Variants in ALOX12B observed in about 807,000 individuals in gnomAD.
ALOX12B encodes arachidonate 12-lipoxygenase, 12R-type.
A neutral mutation model predicts 78.9 loss-of-function variants in ALOX12B; 47 were observed. The ratio of observed to expected loss-of-function variants is 0.60; its 90% CI spans 0.47 to 0.76. The LOEUF is 0.76. Among genes scored for constraint, ALOX12B ranks in the 30% least tolerant of loss-of-function variants. ALOX12B has a pLI of 0.00. For synonymous variants in ALOX12B, 370 were observed against 374.5 expected (o/e 0.99, Z 0.14); for missense variants, 805 against 922.6 (o/e 0.87, Z 1.65).
At chr17:8,083,241 G>T (rs1442939925) in intron 2 of ALOX12B, among the ~76,000 whole-genome samples, 1 of 151,962 alleles carries the variant, frequency 6.6e-6, no homozygotes, top group African/African-American at 2.4e-5. Flanking sequence ...CATGTGTACA[G>T]ATACATGTGT....
At chr17:8,077,889 G>C (rs1201203507) in intron 8 of ALOX12B, among the ~76,000 whole-genome samples, 1 of 152,144 alleles carries the variant, frequency 6.6e-6, no homozygotes, top group Non-Finnish European at 1.5e-5. Context: ...ACACATAGGG[G>C]CATACAAGTA....
intron 13 of ALOX12B, 42 bp from the exon 14 acceptor site, chr17:8,073,360 C>T (rs1443569624): frequency 6.2e-7 from 1 of 1,612,598 alleles, no homozygotes; most frequent in Non-Finnish European, 8.5e-7. Flanking sequence ...GGAAGAGTAC[C>T]TCAGGAGTTT....
In ALOX12B at chr17:8,081,135, C is replaced by T. The variant is rs769999992; in HGVS notation, c.405G>A (p.Glu135=). ...SLPVLLEHRK[E]EIRAKQDFYH... ...AGAAGTCCTGCTTGGCTCTGATCTC[C>T]TCTTTTCTGTGCTCCAGGAGGACGG... Residue 135 remains glutamate, a synonymous_variant, in exon 3 of 15, where the codon GAG becomes GAA. Coordinates refer to ENST00000647874, the MANE Select transcript of ALOX12B (RefSeq NM_001139.3). The T allele has an allele frequency of 1.2e-5, 20 of 1,613,796 alleles. No individual in the cohort carries two copies. The highest frequency in any genetic ancestry group is 3.3e-5 in the Admixed American group (2 of 59,988).
At chr17:8,077,759 T>C (rs1488512092) in intron 8 of ALOX12B, among the ~76,000 whole-genome samples, 1 of 152,198 alleles carries the variant, frequency 6.6e-6, no homozygotes, top group Non-Finnish European at 1.5e-5. Context: ...ATTATCTCAG[T>C]ATTTCCAGTA....
At position 8,079,743 on chromosome 17, in the gene ALOX12B, G is replaced by C; in HGVS notation, c.927+26C>G. The C allele has an allele frequency of 1.2e-6, 2 of 1,604,146 alleles. No homozygotes were observed. The highest frequency in any genetic ancestry group is 1.7e-6 in the Non-Finnish European group (2 of 1,176,510). ...CGCGAGGGAGGCCGGGAGGAGGGCCGGGGTCTCCGCCGGAGCGGGCCTCAC... is the reference window on the plus strand; with the variant it reads ...CGCGAGGGAGGCCGGGAGGAGGGCCCGGGTCTCCGCCGGAGCGGGCCTCAC... On this transcript the variant is annotated intron_variant, in intron 7 of 14. Transcript: ENST00000647874. This position sits in a 1 kb window ranked among gnomAD's most constrained non-coding sequence, Gnocchi z 6.4.
rs747677305 is a variant in ALOX12B, at chr17:8,080,342, G to A, written c.651-4C>T. ...GCGGACTTTGAAAGCCAGTGCCCTA[G>A]GAGATGGGATTCCAGGAAGAGGCCT... On this transcript the variant is annotated splice_polypyrimidine_tract_variant and splice_region_variant and intron_variant, in intron 5 of 14. Transcript: ENST00000647874. This position sits in a 1 kb window ranked among gnomAD's most constrained non-coding sequence, Gnocchi z 4.8. 1.7e-5 allele frequency: 27 copies of A among 1,614,140 alleles called. No individual in the cohort carries two copies. The Middle Eastern group carries it at 8.2e-4, about 49-fold the overall frequency.
chr17:8,076,780 G>T, intron 9 of ALOX12B, 37 bp from the exon 10 acceptor site: 1 of 1,540,900 alleles, frequency 6.5e-7, no homozygotes, highest in South Asian at 1.2e-5. Context: ...AGAGAGGGCT[G>T]AAGTGGCCCC....
intron 2 of ALOX12B, among the ~76,000 whole-genome samples, chr17:8,081,789 C>A (rs1434944037): frequency 6.6e-6 from 1 of 152,120 alleles, no homozygotes; most frequent in East Asian, 1.9e-4. Context: ...ATTACAGGTG[C>A]CTGCCACCAT....
intron 2 of ALOX12B, among the ~76,000 whole-genome samples, chr17:8,083,844 A>C (rs1978290498): frequency 1.3e-5 from 2 of 151,930 alleles, no homozygotes; most frequent in Admixed American, 1.3e-4. Flanking sequence ...TTTACAGATG[A>C]GGGAACCAAG....
Position 8,080,286 on chromosome 17 carries a change from T to G in ALOX12B, c.703A>C (p.Arg235=). ...GLLDCKHSWK[R]LKDIRKIFPG... ...AAAATTTTCCTAATGTCCTTCAGCC[T>G]CTTCCACGAATGTTTGCAGTCCAAC... Residue 235 remains arginine (R), a synonymous_variant, in exon 6 of 15, where the codon AGG becomes CGG. Coordinates refer to ENST00000647874, the MANE Select transcript of ALOX12B (RefSeq NM_001139.3). The surrounding 1 kb of genome is among the most constrained non-coding windows in gnomAD (Gnocchi z 4.8). 1 of 1,614,218 alleles carries G rather than the reference T, an allele frequency of 6.2e-7. No individual in the cohort carries two copies. The highest frequency in any genetic ancestry group is 8.5e-7 in the Non-Finnish European group (1 of 1,180,032).
At chr17:8,082,957 G>T (rs1308114927) in intron 2 of ALOX12B, among the ~76,000 whole-genome samples, 2 of 152,148 alleles carry the variant, frequency 1.3e-5, no homozygotes, top group Non-Finnish European at 2.9e-5. Context: ...CAACTGCAAA[G>T]TACAGAAAGC....
At chr17:8,077,584 C>T (rs6503076) in intron 8 of ALOX12B, among the ~76,000 whole-genome samples, 91,894 of 152,080 alleles carry the variant, frequency 0.6, 28,035 homozygotes, top group Non-Finnish European at 0.64. Context: ...TCAGCCTACG[C>T]TATTCCATTA....
At chr17:8,085,352 C>T (rs1355698001) in intron 2 of ALOX12B, among the ~76,000 whole-genome samples, 1 of 152,178 alleles carries the variant, frequency 6.6e-6, no homozygotes, top group Non-Finnish European at 1.5e-5. Context: ...GAGGCTGAGG[C>T]AGGAGAATCG....
chr17:8,079,511 C>G lies in ALOX12B; in HGVS notation c.956G>C (p.Arg319Pro). The stretch of plus-strand genomic sequence containing the variant: ...CACGGTGGGGATGCCCTCCATGATG[C>G]GGTAGTCGGCCAGGTAAATGTTCCC... The part of the protein sequence containing the change: ...EKGNIYLADY[R>P]IMEGIPTVEL... Residue 319 changes from arginine to proline, a missense_variant, in exon 8 of 15, where the codon CGC (arginine) becomes CCC (proline). Arg to Pro is a moderately radical substitution (Grantham distance 103, BLOSUM62 -2). Transcript: ENST00000647874. The surrounding 1 kb of genome is among the most constrained non-coding windows in gnomAD (Gnocchi z 6.4). 1 of 1,550,832 alleles carries G rather than the reference C, an allele frequency of 6.4e-7. No individual in the cohort carries two copies. Among genetic ancestry groups the G allele is most frequent in the Non-Finnish European group, 8.7e-7 (1 of 1,146,970 alleles).
At position 8,079,987 on chromosome 17, in the gene ALOX12B, C is replaced by A. The variant is rs1187023789; in HGVS notation, c.755-46G>T. The stretch of plus-strand genomic sequence containing the variant: ...CGTCACAAGGAGGCCCGGCCCCCCT[C>A]GGGGACGGAGAGGCATGGGACAGAA... On this transcript the variant is annotated intron_variant, in intron 6 of 14. Transcript: ENST00000647874. The surrounding 1 kb of genome is among the most constrained non-coding windows in gnomAD (Gnocchi z 6.4). The A allele has an allele frequency of 4.4e-6, 7 of 1,592,474 alleles. No individual in the cohort carries two copies. The East Asian group carries it at 1.6e-4, about 36-fold the overall frequency.
intron 8 of ALOX12B, among the ~76,000 whole-genome samples, chr17:8,078,446 G>A (rs1977134672): frequency 6.6e-6 from 1 of 151,772 alleles, no homozygotes; most frequent in African/African-American, 2.4e-5. Context: ...CACCACACCG[G>A]GCCTAGAGAG....
At position 8,077,181 on chromosome 17, in the gene ALOX12B, G is replaced by A; in HGVS notation, c.1084C>T (p.Pro362Ser). ...AGGAAGATGGGGCAATCTGGCCCAG[G>A]GGTCTGGCTGAGCTAGGTGTGGTGA... ...MPIAIQLSQT[P>S]GPDCPIFLPS... The change falls in exon 9 of 15, where the codon CCT (proline) becomes TCT (serine). Residue 362 changes from proline (P) to serine (S), a missense_variant. Transcript: ENST00000647874. 6.2e-7 allele frequency: 1 copy of A among 1,612,202 alleles called. No homozygotes were observed. The highest frequency in any genetic ancestry group is 8.5e-7 in the Non-Finnish European group (1 of 1,179,292).
At chr17:8,084,479 C>T (rs1047438724) in intron 2 of ALOX12B, among the ~76,000 whole-genome samples, 6 of 152,312 alleles carry the variant, frequency 3.9e-5, no homozygotes, top group South Asian at 4.1e-4. Context: ...TGTCCTGTTG[C>T]GTGGCAGCGG....
rs1471322087 is a variant in ALOX12B at position 8,076,859 on chromosome 17, C to T, written c.1276-116G>A. 4.8e-6 allele frequency: 7 copies of T among 1,446,714 alleles called. No homozygotes were observed. The African/African-American group carries it at 8.5e-5, about 18-fold the overall frequency. The allele number at this position is 1,446,714 out of a possible 1,614,324, so 89.6% of individuals were successfully genotyped here. ...ACTCTGGGAAGTCCCTATGCCAAGC[C>T]CTCTCTTGTGGTCCCCAGATGCCCC... On this transcript the variant is annotated intron_variant, in intron 9 of 14. Coordinates refer to ENST00000647874, the MANE Select transcript of ALOX12B (RefSeq NM_001139.3).
Sources: gnomAD v4.1 joint callset for allele counts (sites outside exome capture counted in the v4.1 genomes callset) on GRCh38, gnomAD v4.1.1 for gene constraint, Gnocchi (gnomAD v3.1) non-coding constraint, MANE v1.5 for transcripts, NCBI Gene and HGNC (gene_info 2026-07-23, HGNC 2026-07-21) for gene names.